LRRC74A: variants seen among roughly 807,000 people sequenced by gnomAD.
LRRC74A encodes the protein leucine-rich repeat-containing protein 74A.
LRRC74A carries 44 observed loss-of-function variants against 57.9 expected under a neutral mutation model. That is an observed-to-expected ratio of 0.76 (90% confidence interval 0.60 to 0.98). The LOEUF (loss-of-function observed/expected upper bound fraction) is 0.98, where lower values mean the gene tolerates loss of function less well. Ranked by LOEUF, LRRC74A falls within the 50% of genes least tolerant of loss-of-function variation. The pLI is 0.00. For synonymous variants in LRRC74A, 211 were observed against 219.4 expected, an observed-to-expected ratio of 0.96 and a Z score of 0.34; for missense variants, 572 against 574.0, an observed-to-expected ratio of 1.00 and a Z score of 0.04.
intron 9 of LRRC74A, among the ~76,000 whole-genome samples, chr14:76,855,063 G>T (rs766531870): frequency 5.9e-5 from 9 of 152,222 alleles, no homozygotes; most frequent in Non-Finnish European, 1.3e-4. Flanking sequence ...ACAGATGTGA[G>T]GGTCCTGAAG....
chr14:76,847,962 T>G (rs1462632100), intron 7 of LRRC74A, among the ~76,000 whole-genome samples: 1 of 151,920 alleles, frequency 6.6e-6, no homozygotes, highest in Non-Finnish European at 1.5e-5. Flanking sequence ...TCACCTGAGG[T>G]CAGGAGTTCC....
At chr14:76,834,034 T>C (rs1311180455) in intron 3 of LRRC74A, among the ~76,000 whole-genome samples, 1 of 152,214 alleles carries the variant, frequency 6.6e-6, no homozygotes. Flanking sequence ...AGCCCCCACT[T>C]GGCATTGAAT....
intron 13 of LRRC74A, among the ~76,000 whole-genome samples, chr14:76,868,269 C>T (rs1899114479): frequency 6.6e-6 from 1 of 152,104 alleles, no homozygotes; most frequent in African/African-American, 2.4e-5. Context: ...TCGAGACAAG[C>T]CTGGGCAAGA....
At chr14:76,861,248 A>T (rs1898283134) in intron 11 of LRRC74A, among the ~76,000 whole-genome samples, 1 of 152,226 alleles carries the variant, frequency 6.6e-6, no homozygotes, top group Non-Finnish European at 1.5e-5. Flanking sequence ...AAATGCATGA[A>T]GTGCTTAGAA....
rs1445978748 is a variant in LRRC74A, at chr14:76,856,520, A to C, written c.958-860A>C. Reference sequence around the variant, plus strand: ...TAATATGTGCTGGATGGATGGATGGATGGATGGATGGATGGATGGATGGAT... The same window carrying C: ...TAATATGTGCTGGATGGATGGATGGCTGGATGGATGGATGGATGGATGGAT... On this transcript the variant is annotated intron_variant, in intron 9 of 13. Coordinates refer to ENST00000689127, the MANE Select transcript of LRRC74A (RefSeq NM_001385106.1). Among the ~76,000 whole-genome samples, 17 of 150,464 alleles carry C rather than the reference A, an allele frequency of 1.1e-4. 1 individual carries two copies.
chr14:76,867,279 AGT>A, intron 12 of LRRC74A, 75 bp from the exon 13 acceptor site: 1 of 302,070 alleles, frequency 3.3e-6, no homozygotes, highest in Non-Finnish European at 6.3e-6. Context: ...TTGGGGGGGT[AGT>A]GTGTTTGGGG....
At position 76,867,417 on chromosome 14, in the gene LRRC74A, A is replaced by C. The variant is rs910429710; in HGVS notation, c.1370A>C (p.Lys457Thr). 5 of 1,598,796 alleles carry C rather than the reference A, an allele frequency of 3.1e-6. No individual in the cohort carries two copies. The Admixed American group carries it at 8.3e-5, about 27-fold the overall frequency. ...VREVIKKLDE[K>T]TGMVNFSFLN... The stretch of plus-strand genomic sequence containing the variant: ...GAGGTGATAAAGAAGCTCGATGAGA[A>C]GACAGGCATGGTGAACTTCAGGTCA... The change falls in exon 13 of 14, where the codon AAG becomes ACG. Residue 457 changes from lysine (K) to threonine (T), a missense_variant. By Grantham distance (78) the Lys-to-Thr change is moderately conservative (BLOSUM62 -1). Coordinates refer to ENST00000689127, the MANE Select transcript of LRRC74A (RefSeq NM_001385106.1).
At chr14:76,828,877 T>C in intron 2 of LRRC74A, 1 of 581,572 alleles carries the variant, frequency 1.7e-6, no homozygotes, top group Non-Finnish European at 2.7e-6. Context: ...TGACTCACTC[T>C]GATGGTTCTG....
chr14:76,853,162 T>C, intron 8 of LRRC74A, 54 bp from the exon 9 acceptor site: 1 of 1,516,168 alleles, frequency 6.6e-7, no homozygotes, highest in Non-Finnish European at 9.1e-7. Flanking sequence ...CCCTTTTGGT[T>C]GGATGAGTCA....
chr14:76,850,177 C>T (rs1335917917), intron 7 of LRRC74A, among the ~76,000 whole-genome samples: 1 of 152,170 alleles, frequency 6.6e-6, no homozygotes, highest in East Asian at 1.9e-4. Flanking sequence ...CACTGCACTC[C>T]AGCCTGGGCG....
chr14:76,864,666 C>G (rs1255911968), intron 11 of LRRC74A, among the ~76,000 whole-genome samples: 1 of 152,084 alleles, frequency 6.6e-6, no homozygotes, highest in East Asian at 1.9e-4. Context: ...CCAGCCTGAC[C>G]AACATGGTGA....
chr14:76,837,803 A>G (rs748683255), intron 4 of LRRC74A, 72 bp from the exon 5 acceptor site: 193 of 891,796 alleles, frequency 2.2e-4, no homozygotes, highest in Non-Finnish European at 3.3e-4. Context: ...GTAAACCACA[A>G]AAGACATCAT....
rs3837649 is a variant in LRRC74A, at chr14:76,869,064, TCCCTGTGCCTCCTCACCTG to T, written c.1392-1057_1392-1039del. Among the ~76,000 whole-genome samples the T allele has an allele frequency of 1.7e-3, 256 of 150,980 alleles. 1 individual carries two copies. The highest frequency in any genetic ancestry group is 7.1e-3 in the South Asian group (34 of 4,762). Reference sequence around the variant, plus strand: ...CACTCCTGTGCTGCTCAGCGGCCTGTCCCTGTGCCTCCTCACCTGCCCCGTGCCTCCTCACCTGCCCCGT... The same window carrying T: ...CACTCCTGTGCTGCTCAGCGGCCTGTCCCCGTGCCTCCTCACCTGCCCCGT... On this transcript the variant is annotated intron_variant, in intron 13 of 13. Transcript: ENST00000689127.
chr14:76,840,825 C>A (rs930276900), intron 5 of LRRC74A, among the ~76,000 whole-genome samples: 2 of 151,934 alleles, frequency 1.3e-5, no homozygotes, highest in African/African-American at 4.8e-5. Context: ...CCTCGTGATC[C>A]GCCTGCCTCG....
intron 7 of LRRC74A, among the ~76,000 whole-genome samples, chr14:76,847,386 G>A (rs1897177039): frequency 6.6e-6 from 1 of 152,168 alleles, no homozygotes; most frequent in Non-Finnish European, 1.5e-5. Context: ...CATGTTCCTT[G>A]CAGGAACAGG....
intron 12 of LRRC74A, among the ~76,000 whole-genome samples, chr14:76,866,685 T>C (rs1898824613): frequency 6.6e-6 from 1 of 151,832 alleles, no homozygotes; most frequent in Admixed American, 6.6e-5. Flanking sequence ...GAAGTGAGAA[T>C]GAACTTCACA....
At chr14:76,864,769 G>A (rs4903501) in intron 11 of LRRC74A, among the ~76,000 whole-genome samples, 81 of 152,242 alleles carry the variant, frequency 5.3e-4, no homozygotes, top group Admixed American at 9.2e-4. Flanking sequence ...CAGGAGAATT[G>A]CTTGAACCTG....
chr14:76,828,032 A>G (rs1895701523), intron 1 of LRRC74A, among the ~76,000 whole-genome samples: 1 of 152,240 alleles, frequency 6.6e-6, no homozygotes, highest in South Asian at 2.1e-4. Flanking sequence ...CGCCTCAGAC[A>G]GGGAAGGGGG....
chr14:76,857,470 A>G lies in LRRC74A; in HGVS notation c.1048A>G (p.Ile350Val). The change falls in exon 10 of 14, where the codon ATT becomes GTT. Residue 350 changes from isoleucine (I) to valine (V), a missense_variant. Ile to Val is a conservative substitution (Grantham distance 29). Coordinates refer to ENST00000689127, the MANE Select transcript of LRRC74A (RefSeq NM_001385106.1). Reference sequence around the variant, plus strand: ...CAAATCCAGGATGGAAGAGCTTGATATTTCCGTAAGTGATCAAATGGTAGT... The same window carrying G: ...CAAATCCAGGATGGAAGAGCTTGATGTTTCCGTAAGTGATCAAATGGTAGT... ...NPKSRMEELD[I>V]SNVLVSEQFM... is the part of the protein sequence containing the mutation. The G allele has an allele frequency of 6.4e-7, 1 of 1,571,496 alleles. No homozygotes were observed. Among genetic ancestry groups the G allele is most frequent in the South Asian group, 1.2e-5 (1 of 85,866 alleles).
Sources: allele counts gnomAD v4.1 joint callset (sites outside exome capture counted in the v4.1 genomes callset), GRCh38; gene constraint gnomAD v4.1.1; transcripts MANE v1.5; gene names NCBI Gene and HGNC (gene_info 2026-07-23, HGNC 2026-07-21).